The following LRRC9 variants were observed in gnomAD, a reference collection of about 807,000 sequenced individuals.
The protein encoded by LRRC9 is leucine rich repeat containing 9.
LRRC9 carries 122 observed loss-of-function variants against 63.2 expected under a neutral mutation model. The observed-to-expected ratio is 1.93, with a 90% CI of 1.67 to 2.24. The LOEUF (loss-of-function observed/expected upper bound fraction) is 2.24. Among genes scored for constraint, LRRC9 ranks in the 30% most tolerant of loss-of-function variants. LRRC9 has a pLI of 0.00. For synonymous variants in LRRC9, 366 were observed against 213.1 expected, an observed-to-expected ratio of 1.72 and a Z score of -6.25; for missense variants, 1,071 against 627.7, an observed-to-expected ratio of 1.71 and a Z score of -7.55.
chr14:59,987,471 T>A (rs2140129228), intron 17 of LRRC9, among the ~76,000 whole-genome samples: 1 of 149,112 alleles, frequency 6.7e-6, no homozygotes, highest in South Asian at 2.1e-4. Flanking sequence ...GTCTTTTAAA[T>A]CTCTTTTAAT....
downstream of LRRC9, among the ~76,000 whole-genome samples, chr14:60,066,077 G>A (rs1275753498): frequency 1.3e-5 from 2 of 151,826 alleles, no homozygotes; most frequent in African/African-American, 2.4e-5. Context: ...CTCGGCTCCC[G>A]CAACGTGCTG....
chr14:60,004,302 T>C lies in LRRC9; in HGVS notation c.2842+504T>C, dbSNP rs1220651256. Among the ~76,000 whole-genome samples the C allele has an allele frequency of 2.0e-5, 3 of 152,104 alleles. No homozygotes were observed. The highest frequency in any genetic ancestry group is 2.9e-5 in the Non-Finnish European group (2 of 67,974). Reference sequence around the variant, plus strand: ...TTTTGAAAAAGATAAAGCAGACTAGTTCTGTTTTGAAAATATAAAATTGAG... The same window carrying C: ...TTTTGAAAAAGATAAAGCAGACTAGCTCTGTTTTGAAAATATAAAATTGAG... On this transcript the variant is annotated intron_variant, in intron 21 of 31. Transcript: ENST00000445360. This position sits in a 1 kb window ranked among gnomAD's most constrained non-coding sequence, Gnocchi z 4.8.
rs940175597 is a variant in LRRC9, at chr14:60,058,291, A to G, written c.4276+269A>G. ...GCAATGTGAACTTTGTGATACTTGA[A>G]CAATTATTTCCTGACATATCTTTTC... On this transcript the variant is annotated intron_variant, in intron 31 of 31. Transcript: ENST00000445360. This position sits in a 1 kb window ranked among gnomAD's most constrained non-coding sequence, Gnocchi z 4.4. 3.9e-5 allele frequency among the ~76,000 whole-genome samples: 6 copies of G among 152,184 alleles called. No homozygotes were observed. Among genetic ancestry groups the G allele is most frequent in the Non-Finnish European group, 8.8e-5 (6 of 68,014 alleles).
In LRRC9 at chr14:60,017,562, T is replaced by G. The variant is rs1324018556; in HGVS notation, c.3317+772T>G. On this transcript the variant is annotated intron_variant, in intron 24 of 31. Coordinates refer to ENST00000445360, the Ensembl canonical transcript of LRRC9. This position sits in a 1 kb window ranked among gnomAD's most constrained non-coding sequence, Gnocchi z 4.0. Reference sequence around the variant, plus strand: ...CAGCAATTCTCCTCTTTATTTTTATTTTTCTGGCTCCCACTTCTTGGGGGC... The same window carrying G: ...CAGCAATTCTCCTCTTTATTTTTATGTTTCTGGCTCCCACTTCTTGGGGGC... Among the ~76,000 whole-genome samples, 1 of 152,130 alleles carries G rather than the reference T, an allele frequency of 6.6e-6. No homozygotes were observed. The highest frequency in any genetic ancestry group is 1.5e-5 in the Non-Finnish European group (1 of 68,006).
intron 1 of LRRC9, among the ~76,000 whole-genome samples, chr14:59,924,036 C>T (rs1204292012): frequency 6.6e-6 from 1 of 152,132 alleles, no homozygotes; most frequent in African/African-American, 2.4e-5. Flanking sequence ...CAAAATTAGG[C>T]CCCAGTGTAT....
At chr14:60,065,124 G>A (rs1294674929), downstream of LRRC9, among the ~76,000 whole-genome samples, 1 of 152,110 alleles carries the variant, frequency 6.6e-6, no homozygotes, top group East Asian at 1.9e-4. Context: ...GCTCACATCT[G>A]TAATCCCAGC....
intron 8 of LRRC9, among the ~76,000 whole-genome samples, chr14:59,947,225 A>T (rs1404920228): frequency 2.0e-5 from 3 of 150,034 alleles, no homozygotes; most frequent in Non-Finnish European, 4.5e-5. Flanking sequence ...GATATCTCAT[A>T]GTGGTTTTGA....
intron 29 of LRRC9, among the ~76,000 whole-genome samples, chr14:60,040,070 G>A (rs990013026): frequency 5.3e-5 from 8 of 151,908 alleles, no homozygotes; most frequent in African/African-American, 9.7e-5. Context: ...GTAGTTGAGC[G>A]GTTTTGAGTG....
rs1890748422 is a variant in LRRC9 at position 60,017,056 on chromosome 14, G to GT, written c.3317+267dup. Among the ~76,000 whole-genome samples the GT allele has an allele frequency of 6.6e-6, 1 of 151,840 alleles. No homozygotes were observed. The highest frequency in any genetic ancestry group is 6.6e-5 in the Admixed American group (1 of 15,234). ...CCACCAAGCATGGCTAATTTTCTTTGTATTTTTTGTGGAGACAGCATTTAT... is the reference window on the plus strand; with the variant it reads ...CCACCAAGCATGGCTAATTTTCTTTGTTATTTTTTGTGGAGACAGCATTTAT... On this transcript the variant is annotated intron_variant, in intron 24 of 31. Coordinates refer to ENST00000445360, the Ensembl canonical transcript of LRRC9. The surrounding 1 kb of genome is among the most constrained non-coding windows in gnomAD (Gnocchi z 4.0).
At chr14:60,023,942 C>T (rs1891316499) in intron 27 of LRRC9, among the ~76,000 whole-genome samples, 1 of 40,042 alleles carries the variant, frequency 2.5e-5, no homozygotes, top group Admixed American at 3.0e-4. Flanking sequence ...TGATGGTTTC[C>T]AGCTCATCCA....
At chr14:60,001,386 A>C (rs1435517806) in intron 19 of LRRC9, among the ~76,000 whole-genome samples, 1 of 152,166 alleles carries the variant, frequency 6.6e-6, no homozygotes, top group Non-Finnish European at 1.5e-5. Context: ...AATACTATAC[A>C]TAGGACATAT....
intron 30 of LRRC9, among the ~76,000 whole-genome samples, chr14:60,056,566 T>A (rs370960106): frequency 1.2e-4 from 18 of 152,186 alleles, no homozygotes; most frequent in African/African-American, 4.1e-4. Context: ...TAGATACATA[T>A]TCTTGCCATT....
At chr14:59,939,065 G>GTATATACACA (rs931915016) in intron 7 of LRRC9, among the ~76,000 whole-genome samples, 2 of 135,918 alleles carry the variant, frequency 1.5e-5, no homozygotes, top group Non-Finnish European at 3.2e-5. Context: ...ATATATATAC[G>GTATATACACA]TATATACACA....
At chr14:60,008,576 T>C (rs1257571430) in intron 23 of LRRC9, among the ~76,000 whole-genome samples, 1 of 152,194 alleles carries the variant, frequency 6.6e-6, no homozygotes, top group African/African-American at 2.4e-5. Flanking sequence ...GCAAATATAG[T>C]TGCTAATATT....
At chr14:59,967,328 T>C in intron 12 of LRRC9, 115 bp downstream of exon 12, 1 of 466,548 alleles carries the variant, frequency 2.1e-6, no homozygotes, top group Non-Finnish European at 3.9e-6. Flanking sequence ...TTTCTACTGC[T>C]GTTTCACAAA....
intron 29 of LRRC9, among the ~76,000 whole-genome samples, chr14:60,039,617 T>A (rs1286625324): frequency 1.3e-5 from 2 of 152,216 alleles, no homozygotes; most frequent in Non-Finnish European, 2.9e-5. Flanking sequence ...ATATCCTGTT[T>A]ATCATTTTTT....
chr14:60,033,848 T>C (rs1892190916), intron 29 of LRRC9, among the ~76,000 whole-genome samples: 1 of 152,094 alleles, frequency 6.6e-6, no homozygotes, highest in Non-Finnish European at 1.5e-5. Flanking sequence ...GGAAGGATAA[T>C]TAAACCTTAT....
intron 29 of LRRC9, among the ~76,000 whole-genome samples, chr14:60,039,855 T>C (rs1032572090): frequency 1.3e-5 from 2 of 152,224 alleles, no homozygotes; most frequent in African/African-American, 4.8e-5. Flanking sequence ...ATTGTGATGT[T>C]AGGGTGTCTA....
At chr14:60,010,259 G>T (rs188953318) in intron 23 of LRRC9, among the ~76,000 whole-genome samples, 1 of 152,208 alleles carries the variant, frequency 6.6e-6, no homozygotes, top group East Asian at 1.9e-4. Flanking sequence ...CTAGGTGGAG[G>T]TTCCCAAACC....
Sources: allele counts gnomAD v4.1 joint callset (sites outside exome capture counted in the v4.1 genomes callset), GRCh38; gene constraint gnomAD v4.1.1; non-coding constraint Gnocchi (gnomAD v3.1); transcripts MANE v1.5; gene names NCBI Gene and HGNC (gene_info 2026-07-23, HGNC 2026-07-21).